Variants in SGCZ observed in about 807,000 individuals in gnomAD.
SGCZ encodes the protein sarcoglycan zeta, also known as zeta-sarcoglycan.
In SGCZ, 40 loss-of-function variants were observed where a neutral mutation model predicts 41.3. The ratio of observed to expected loss-of-function variants is 0.97; its 90% CI spans 0.75 to 1.26. The LOEUF is 1.26. SGCZ is among the 50% of genes most tolerant of loss of function. The probability of loss-of-function intolerance (pLI) is 0.00; values close to 1 mark genes in which losing one functional copy is unlikely to be tolerated. For missense variants in SGCZ, 552 were observed against 369.8 expected (o/e 1.49, Z -4.04); for synonymous variants, 206 against 137.5 (o/e 1.50, Z -3.49).
chr8:14,856,151 A>G (rs1337553369), intron 1 of SGCZ, among the ~76,000 whole-genome samples: 3 of 152,212 alleles, frequency 2.0e-5, no homozygotes, highest in African/African-American at 7.2e-5. Flanking sequence ...TATAAATTCC[A>G]TTTTAATACA....
chr8:14,865,760 C>G (rs941627362), intron 1 of SGCZ, among the ~76,000 whole-genome samples: 2 of 152,064 alleles, frequency 1.3e-5, no homozygotes, highest in Admixed American at 1.3e-4. Flanking sequence ...ACCTTAGCCT[C>G]TTTCTTTTTT....
intron 1 of SGCZ, among the ~76,000 whole-genome samples, chr8:15,013,109 G>T (rs1441815676): frequency 6.6e-6 from 1 of 152,134 alleles, no homozygotes; most frequent in Non-Finnish European, 1.5e-5. Context: ...AAAGGAAAAT[G>T]CATGCATCAC....
At chr8:14,880,994 C>G (rs920720145) in intron 1 of SGCZ, among the ~76,000 whole-genome samples, 1 of 151,726 alleles carries the variant, frequency 6.6e-6, no homozygotes, top group African/African-American at 2.4e-5. Flanking sequence ...TTAGTAAGAG[C>G]CCAAAATACA....
At chr8:14,102,227 G>T (rs1802052414) in intron 7 of SGCZ, 149 bp downstream of exon 7, 1 of 882,222 alleles carries the variant, frequency 1.1e-6, no homozygotes, top group Non-Finnish European at 1.5e-6. Flanking sequence ...ATGAGATATG[G>T]TAACCTAATA....
At chr8:14,190,361 G>A (rs1805058060) in intron 4 of SGCZ, among the ~76,000 whole-genome samples, 1 of 151,484 alleles carries the variant, frequency 6.6e-6, no homozygotes, top group Admixed American at 6.6e-5. Context: ...ATGTATGTAT[G>A]TATGTATGTG....
chr8:14,643,893 T>C (rs557810198), intron 1 of SGCZ, among the ~76,000 whole-genome samples: 1 of 151,774 alleles, frequency 6.6e-6, no homozygotes, highest in African/African-American at 2.4e-5. Flanking sequence ...AACCAACAGC[T>C]AAGAATAGAA....
rs951595676 is a variant in SGCZ, at chr8:14,595,898, GA to G, written c.40-40973del. Among the ~76,000 whole-genome samples the G allele has an allele frequency of 2.3e-4, 35 of 151,006 alleles. 1 individual carries two copies. The highest frequency in any genetic ancestry group is 1.6e-3 in the East Asian group (8 of 5,158). ...TGGACTCTATGTCAGTTTAACTGAA[GA>G]AAAAAAAATGTTAGGTTGTCCAATG... On this transcript the variant is annotated intron_variant, in intron 1 of 7. Coordinates refer to ENST00000382080, the MANE Select transcript of SGCZ (RefSeq NM_139167.4).
intron 1 of SGCZ, among the ~76,000 whole-genome samples, chr8:15,203,050 A>C (rs78834380): frequency 0.061 from 9,290 of 152,004 alleles, 328 homozygotes; most frequent in African/African-American, 0.084. Context: ...GTGGAAGTTG[A>C]AGTGAGTTGA....
chr8:14,887,741 T>TA (rs1804864426), intron 1 of SGCZ, among the ~76,000 whole-genome samples: 1 of 152,158 alleles, frequency 6.6e-6, no homozygotes, highest in South Asian at 2.1e-4. Context: ...AAAGGTTAAA[T>TA]AAACTCACTA....
chr8:15,232,538 T>A (rs1474571388), intron 1 of SGCZ, among the ~76,000 whole-genome samples: 2 of 151,792 alleles, frequency 1.3e-5, no homozygotes, highest in African/African-American at 4.8e-5. Flanking sequence ...TCCCTCTTAA[T>A]GGCATAAGTG....
intron 6 of SGCZ, among the ~76,000 whole-genome samples, chr8:14,103,832 A>C (rs530116690): frequency 6.6e-6 from 1 of 152,254 alleles, no homozygotes; most frequent in East Asian, 1.9e-4. Flanking sequence ...ACTTGAAGAC[A>C]ATCACTCACA....
Position 14,237,637 on chromosome 8 carries a change from T to C in SGCZ, c.379A>G (p.Asn127Asp). 1 of 1,613,966 alleles carries C rather than the reference T, an allele frequency of 6.2e-7. No individual in the cohort carries two copies. The highest frequency in any genetic ancestry group is 8.5e-7 in the Non-Finnish European group (1 of 1,179,894). The change falls in exon 4 of 8, where the codon AAT (asparagine) becomes GAT (aspartate). Residue 127 changes from asparagine to aspartate, a missense_variant. Asn to Asp is a conservative substitution (Grantham distance 23, BLOSUM62 1). Transcript: ENST00000382080. ...AACTGCCCCATGTGATTTCTTGCAT[T>C]CACTGTGACATTCCTGTCAGACTGT... ...VLQSDRNVTV[N>D]ARNHMGQLTG... is the part of the protein sequence containing the mutation.
intron 1 of SGCZ, among the ~76,000 whole-genome samples, chr8:14,827,465 G>A (rs559225556): frequency 6.6e-6 from 1 of 152,058 alleles, no homozygotes; most frequent in African/African-American, 2.4e-5. Context: ...TCAAACTCCT[G>A]ACTTCATATG....
intron 1 of SGCZ, among the ~76,000 whole-genome samples, chr8:14,651,813 C>T (rs1807408802): frequency 6.6e-6 from 1 of 152,038 alleles, no homozygotes; most frequent in African/African-American, 2.4e-5. Context: ...GATGTCTAGC[C>T]ATTGCTCCTC....
chr8:14,344,960 A>G (rs1409934995), intron 2 of SGCZ, among the ~76,000 whole-genome samples: 1 of 152,118 alleles, frequency 6.6e-6, no homozygotes, highest in Non-Finnish European at 1.5e-5. Flanking sequence ...AAATTTTGAC[A>G]GTAATTTCAC....
At chr8:14,946,103 T>A (rs927708881) in intron 1 of SGCZ, among the ~76,000 whole-genome samples, 1 of 137,998 alleles carries the variant, frequency 7.2e-6, no homozygotes, top group Non-Finnish European at 1.5e-5. Flanking sequence ...GCTATCTCTC[T>A]CAAGAACCCT....
chr8:14,217,295 C>CAA (rs34197711), intron 4 of SGCZ, among the ~76,000 whole-genome samples: 160 of 55,924 alleles, frequency 2.9e-3, no homozygotes, highest in African/African-American at 4.5e-3. Context: ...GACTCCATCT[C>CAA]AAAAAAAAAA....
chr8:14,155,688 CATT>C (rs1218918998), intron 5 of SGCZ, among the ~76,000 whole-genome samples: 1 of 150,222 alleles, frequency 6.7e-6, no homozygotes, highest in Non-Finnish European at 1.5e-5. Flanking sequence ...AACGTATTGT[CATT>C]ATATATGTAA....
intron 2 of SGCZ, among the ~76,000 whole-genome samples, chr8:14,510,427 C>T (rs1323312984): frequency 6.6e-6 from 1 of 151,082 alleles, no homozygotes; most frequent in Non-Finnish European, 1.5e-5. Context: ...ACTATAAAAC[C>T]TATCTTTGTC....
Sources: allele counts gnomAD v4.1 joint callset (sites outside exome capture counted in the v4.1 genomes callset), GRCh38; gene constraint gnomAD v4.1.1; transcripts MANE v1.5; gene names NCBI Gene and HGNC (gene_info 2026-07-23, HGNC 2026-07-21).